ENTREP2: variants seen among roughly 807,000 people sequenced by gnomAD.
The protein encoded by ENTREP2 is endosomal transmembrane epsin interactor 2.
the ENTREP2 span, among the ~76,000 whole-genome samples, chr15:29,657,008 G>A: frequency 1.3e-5 from 2 of 152,126 alleles, no homozygotes; most frequent in African/African-American, 4.8e-5. Flanking sequence ...TCGTGGTCTC[G>A]CTGCCTTCAA....
At chr15:29,606,677 A>G in the ENTREP2 span, among the ~76,000 whole-genome samples, 2 of 152,176 alleles carry the variant, frequency 1.3e-5, no homozygotes, top group South Asian at 4.1e-4. Flanking sequence ...TTTCCTTATA[A>G]GTCACATAAG....
chr15:29,432,487 T>C, the ENTREP2 span, among the ~76,000 whole-genome samples: 1 of 152,170 alleles, frequency 6.6e-6, no homozygotes, highest in East Asian at 1.9e-4. Context: ...GATGTCTTCT[T>C]CCCCACATTT....
At chr15:29,198,293 G>A in the ENTREP2 span, among the ~76,000 whole-genome samples, 1 of 152,216 alleles carries the variant, frequency 6.6e-6, no homozygotes, top group Non-Finnish European at 1.5e-5. Context: ...ATTCCAGGGA[G>A]CTGCCAGCTC....
chr15:29,178,962 A>T, the ENTREP2 span, among the ~76,000 whole-genome samples: 5 of 152,230 alleles, frequency 3.3e-5, no homozygotes, highest in Non-Finnish European at 7.3e-5. Flanking sequence ...GTCTGGTGAT[A>T]CTGAGCTATA....
At chr15:29,477,497 T>TA in the ENTREP2 span, among the ~76,000 whole-genome samples, 3 of 152,312 alleles carry the variant, frequency 2.0e-5, no homozygotes, top group South Asian at 6.2e-4. Context: ...TATTAGCCCT[T>TA]AGAGCTTGGA....
At chr15:29,649,743 A>G in the ENTREP2 span, among the ~76,000 whole-genome samples, 28 of 150,766 alleles carry the variant, frequency 1.9e-4, no homozygotes, top group Middle Eastern at 3.4e-3. Context: ...AAAAAAAAAA[A>G]AAGAAAGAAA....
At chr15:29,120,688 GAGA>G in the ENTREP2 span, 1 of 152,366 alleles carries the variant, frequency 6.6e-6, no homozygotes, top group Non-Finnish European at 1.5e-5. Context: ...AGCTGAGTTG[GAGA>G]AGGAGCGTGT....
At chr15:29,233,569 T>A in the ENTREP2 span, 1 of 603,362 alleles carries the variant, frequency 1.7e-6, no homozygotes, top group Non-Finnish European at 2.9e-6. Flanking sequence ...CTACTGTAAT[T>A]TAGTCCACAA....
the ENTREP2 span, among the ~76,000 whole-genome samples, chr15:29,536,531 G>C: frequency 1.3e-5 from 2 of 151,386 alleles, no homozygotes; most frequent in Non-Finnish European, 2.9e-5. Flanking sequence ...TTGAACCCGG[G>C]AGGCAGAGGT....
chr15:29,280,581 C>G, the ENTREP2 span, among the ~76,000 whole-genome samples: 4 of 152,182 alleles, frequency 2.6e-5, no homozygotes, highest in Non-Finnish European at 5.9e-5. Context: ...TGTTCCCTGG[C>G]AGACACATGT....
At chr15:29,128,337 C>T in the ENTREP2 span, among the ~76,000 whole-genome samples, 2 of 152,168 alleles carry the variant, frequency 1.3e-5, no homozygotes, top group African/African-American at 4.8e-5. Flanking sequence ...ACGTGTCCTT[C>T]AATGCCCTCA....
At chr15:29,316,003 G>A in the ENTREP2 span, among the ~76,000 whole-genome samples, 1 of 151,790 alleles carries the variant, frequency 6.6e-6, no homozygotes, top group East Asian at 1.9e-4. Flanking sequence ...TATAGGGCCG[G>A]GGGGTGGGGA....
the ENTREP2 span, among the ~76,000 whole-genome samples, chr15:29,346,622 G>T: frequency 6.6e-6 from 1 of 152,158 alleles, no homozygotes; most frequent in Non-Finnish European, 1.5e-5. Context: ...TCCACAAAAA[G>T]AGTACTTTCA....
At chr15:29,181,344 A>C in the ENTREP2 span, among the ~76,000 whole-genome samples, 1 of 152,190 alleles carries the variant, frequency 6.6e-6, no homozygotes, top group Non-Finnish European at 1.5e-5. Flanking sequence ...GAAATAGGTA[A>C]GTTTAATCTT....
the ENTREP2 span, among the ~76,000 whole-genome samples, chr15:29,657,034 T>G: frequency 6.6e-6 from 1 of 152,100 alleles, no homozygotes; most frequent in Non-Finnish European, 1.5e-5. Flanking sequence ...AAGCCGGGCC[T>G]TCGTGGTGAG....
chr15:29,657,333 G>C, the ENTREP2 span, among the ~76,000 whole-genome samples: 2 of 146,986 alleles, frequency 1.4e-5, no homozygotes, highest in Admixed American at 6.7e-5. Context: ...GCGCCCACCA[G>C]TGTTACAGCT....
the ENTREP2 span, among the ~76,000 whole-genome samples, chr15:29,379,078 C>T: frequency 6.6e-6 from 1 of 152,226 alleles, no homozygotes; most frequent in Non-Finnish European, 1.5e-5. Context: ...CCATACACTT[C>T]CGTCTGCAGT....
chr15:29,659,965 AT>A, the ENTREP2 span, among the ~76,000 whole-genome samples: 5 of 151,350 alleles, frequency 3.3e-5, no homozygotes, highest in Non-Finnish European at 7.4e-5. Context: ...CACCTGGCTA[AT>A]TTTTTTTGTA....
the ENTREP2 span, among the ~76,000 whole-genome samples, chr15:29,473,689 T>C: frequency 2.0e-4 from 30 of 152,208 alleles, no homozygotes; most frequent in Non-Finnish European, 2.8e-4. Context: ...GAAAGACGTC[T>C]ACTCTATGTC....
Sources: gnomAD v4.1 joint callset for allele counts (sites outside exome capture counted in the v4.1 genomes callset) on GRCh38, gnomAD v4.1.1 for gene constraint, MANE v1.5 for transcripts, NCBI Gene and HGNC (gene_info 2026-07-23, HGNC 2026-07-21) for gene names.